The following CORIN variants were observed in gnomAD, a reference collection of about 807,000 sequenced individuals.
The protein encoded by CORIN is atrial natriuretic peptide-converting enzyme.
A neutral mutation model predicts 125.3 loss-of-function variants in CORIN; 117 were observed. The ratio of observed to expected loss-of-function variants is 0.93; its 90% confidence interval spans 0.80 to 1.09. CORIN has a LOEUF of 1.09. Ranked by LOEUF, CORIN falls within the 50% of genes least tolerant of loss-of-function variation. CORIN has a pLI of 0.00. For missense variants in CORIN, 1,253 were observed against 1,306.7 expected (o/e 0.96, Z 0.63); for synonymous variants, 450 against 466.4 (o/e 0.96, Z 0.45).
chr4:47,633,347 A>G (rs1449205080), intron 16 of CORIN, among the ~76,000 whole-genome samples: 1 of 152,210 alleles, frequency 6.6e-6, no homozygotes, highest in African/African-American at 2.4e-5. Context: ...TGACTGTTAA[A>G]TATACATTAT....
At position 47,763,372 on chromosome 4, in the gene CORIN, G is replaced by T; in HGVS notation, c.617+7C>A. 1.9e-6 allele frequency: 3 copies of T among 1,609,810 alleles called. No individual in the cohort carries two copies. Among genetic ancestry groups the T allele is most frequent in the South Asian group, 1.1e-5 (1 of 90,402 alleles). On this transcript the variant is annotated splice_region_variant and intron_variant, in intron 4 of 21. Coordinates refer to ENST00000273857, the MANE Select transcript of CORIN (RefSeq NM_006587.4). The stretch of plus-strand genomic sequence containing the variant: ...CTTATCACTGAATAATCTGGGTTCC[G>T]AAATACCTGTCATCGCCATCAATGA...
intron 1 of CORIN, among the ~76,000 whole-genome samples, chr4:47,829,380 T>C (rs1277844337): frequency 6.6e-6 from 1 of 152,210 alleles, no homozygotes; most frequent in East Asian, 1.9e-4. Flanking sequence ...TTCTGGACCT[T>C]CTGGACCTTC....
chr4:47,728,053 C>G (rs1248907938), intron 5 of CORIN, among the ~76,000 whole-genome samples: 1 of 152,094 alleles, frequency 6.6e-6, no homozygotes, highest in Admixed American at 6.6e-5. Context: ...ATGGATAGAG[C>G]AGGTGAGAAT....
intron 4 of CORIN, among the ~76,000 whole-genome samples, chr4:47,756,072 G>A (rs2109857047): frequency 6.6e-6 from 1 of 152,304 alleles, no homozygotes; most frequent in African/African-American, 2.4e-5. Flanking sequence ...AAACAGACAG[G>A]CAAAAGGGGT....
At chr4:47,753,245 C>T (rs1728987911) in intron 4 of CORIN, among the ~76,000 whole-genome samples, 1 of 152,074 alleles carries the variant, frequency 6.6e-6, no homozygotes, top group East Asian at 1.9e-4. Context: ...AGATCACATG[C>T]TTTAAAGGGC....
At chr4:47,792,088 A>T (rs1256829603) in intron 2 of CORIN, among the ~76,000 whole-genome samples, 2 of 152,198 alleles carry the variant, frequency 1.3e-5, no homozygotes, top group Non-Finnish European at 2.9e-5. Context: ...TTAAAAGATG[A>T]TTAGGGATTT....
intron 6 of CORIN, among the ~76,000 whole-genome samples, chr4:47,688,512 G>C (rs1725624205): frequency 6.6e-6 from 1 of 152,152 alleles, no homozygotes; most frequent in Non-Finnish European, 1.5e-5. Context: ...TGAGCCTGGA[G>C]AATTGCTTGA....
chr4:47,827,759 T>A (rs183536485), intron 1 of CORIN, among the ~76,000 whole-genome samples: 39 of 152,166 alleles, frequency 2.6e-4, no homozygotes, highest in Admixed American at 8.5e-4. Flanking sequence ...CCCACCCAGT[T>A]ATTTAAAGAA....
intron 1 of CORIN, among the ~76,000 whole-genome samples, chr4:47,811,000 G>A (rs990482900): frequency 2.6e-5 from 4 of 152,158 alleles, no homozygotes; most frequent in Non-Finnish European, 5.9e-5. Context: ...TCATGTGTCA[G>A]GCATTGTTTG....
intron 1 of CORIN, among the ~76,000 whole-genome samples, chr4:47,812,363 A>G (rs1418828067): frequency 6.6e-6 from 1 of 152,090 alleles, no homozygotes; most frequent in Non-Finnish European, 1.5e-5. Flanking sequence ...ATGTTAGCCA[A>G]GCATGGTGGT....
At chr4:47,694,072 G>A (rs1725879600) in intron 5 of CORIN, among the ~76,000 whole-genome samples, 1 of 152,112 alleles carries the variant, frequency 6.6e-6, no homozygotes, top group Admixed American at 6.5e-5. Context: ...TAACCACTAT[G>A]CAATATTCAG....
At chr4:47,779,202 C>T (rs1730424554) in intron 3 of CORIN, among the ~76,000 whole-genome samples, 1 of 152,308 alleles carries the variant, frequency 6.6e-6, no homozygotes, top group Middle Eastern at 3.4e-3. Context: ...CACAGAGGCT[C>T]ACGCCTGTAT....
chr4:47,644,905 C>T (rs982599028), intron 14 of CORIN, among the ~76,000 whole-genome samples, 176 bp downstream of exon 14: 1 of 152,012 alleles, frequency 6.6e-6, no homozygotes, highest in African/African-American at 2.4e-5. Flanking sequence ...ATATATTTTA[C>T]ACATATTTAG....
chr4:47,693,652 T>C (rs1177113143), intron 5 of CORIN, among the ~76,000 whole-genome samples: 1 of 152,204 alleles, frequency 6.6e-6, no homozygotes, highest in Non-Finnish European at 1.5e-5. Context: ...CAGCGTCTAT[T>C]TTGGCATAAG....
chr4:47,614,275 C>A (rs1721988658), intron 19 of CORIN, among the ~76,000 whole-genome samples: 1 of 152,118 alleles, frequency 6.6e-6, no homozygotes, highest in Admixed American at 6.5e-5. Context: ...TCACTGCAAC[C>A]ACCTCCACAA....
At chr4:47,751,000 G>C (rs915145806) in intron 4 of CORIN, among the ~76,000 whole-genome samples, 1 of 152,208 alleles carries the variant, frequency 6.6e-6, no homozygotes, top group African/African-American at 2.4e-5. Flanking sequence ...CTTGACATCT[G>C]GTGGGACTGT....
At chr4:47,706,099 CAT>C (rs1173954641) in intron 5 of CORIN, among the ~76,000 whole-genome samples, 1 of 152,144 alleles carries the variant, frequency 6.6e-6, no homozygotes, top group Non-Finnish European at 1.5e-5. Flanking sequence ...GCTTTTTATA[CAT>C]TTTTACTACT....
chr4:47,594,320 T>A lies in CORIN; in HGVS notation c.*1401A>T, dbSNP rs1269383917. On this transcript the variant is annotated 3_prime_UTR_variant, in exon 22 of 22. Coordinates refer to ENST00000273857, the MANE Select transcript of CORIN (RefSeq NM_006587.4). ...TACATGTATAAAATTGCAGGTAGTA[T>A]CTATTTGGAATGCTGAGGCAGTCCA... 6.6e-6 allele frequency: 1 copy of A among 152,550 alleles called. No individual in the cohort carries two copies. The highest frequency in any genetic ancestry group is 2.4e-5 in the African/African-American group (1 of 41,438). 9.4% of individuals were successfully genotyped at this position (152,550 alleles called of 1,614,324 possible). A position where few individuals can be genotyped will look rare whatever the true frequency, so the allele number is the denominator to read the frequency against.
chr4:47,768,116 T>C (rs1231834632), intron 3 of CORIN, among the ~76,000 whole-genome samples: 1 of 152,196 alleles, frequency 6.6e-6, no homozygotes, highest in African/African-American at 2.4e-5. Flanking sequence ...ACTGAGCACC[T>C]TGTGACCCCC....
Sources: allele counts gnomAD v4.1 joint callset (sites outside exome capture counted in the v4.1 genomes callset), GRCh38; gene constraint gnomAD v4.1.1; transcripts MANE v1.5; gene names NCBI Gene and HGNC (gene_info 2026-07-23, HGNC 2026-07-21).